MOSMO: variants seen among roughly 807,000 people sequenced by gnomAD.
MOSMO encodes the protein modulator of smoothened.
Under a neutral mutation model 18.4 loss-of-function variants are expected in MOSMO, and 5 were observed. The observed-to-expected ratio is 0.27, with a 90% CI of 0.14 to 0.57. MOSMO has a LOEUF of 0.57. MOSMO is among the 20% of genes least tolerant of loss of function. The pLI is 0.92. For missense variants in MOSMO, 138 were observed against 211.8 expected, an observed-to-expected ratio of 0.65 and a Z score of 2.16; for synonymous variants, 82 against 82.3, an observed-to-expected ratio of 1.00 and a Z score of 0.02.
intron 1 of MOSMO, among the ~76,000 whole-genome samples, chr16:22,022,655 T>C (rs561680688): frequency 6.6e-6 from 1 of 152,258 alleles, no homozygotes; most frequent in Admixed American, 6.5e-5. Context: ...TTAGTCACTA[T>C]CATGGACTGA....
At chr16:22,040,115 A>T (rs1598008426) in intron 1 of MOSMO, among the ~76,000 whole-genome samples, 1 of 152,238 alleles carries the variant, frequency 6.6e-6, no homozygotes, top group Non-Finnish European at 1.5e-5. Context: ...GGACATAAAG[A>T]TCTGGACAGG....
At chr16:22,040,011 A>G (rs1267381184) in intron 1 of MOSMO, among the ~76,000 whole-genome samples, 1 of 152,242 alleles carries the variant, frequency 6.6e-6, no homozygotes, top group African/African-American at 2.4e-5. Flanking sequence ...TAGCACATGG[A>G]AGGCATTGGA....
At chr16:22,042,509 A>G (rs999607014) in intron 1 of MOSMO, among the ~76,000 whole-genome samples, 40 of 152,148 alleles carry the variant, frequency 2.6e-4, no homozygotes, top group Admixed American at 2.6e-4. Flanking sequence ...ACTTCCTTTG[A>G]TTTGCTAGAA....
At chr16:22,030,879 T>C (rs979283111) in intron 1 of MOSMO, among the ~76,000 whole-genome samples, 1 of 152,212 alleles carries the variant, frequency 6.6e-6, no homozygotes, top group Admixed American at 6.5e-5. Flanking sequence ...CAAATGATTA[T>C]CAAAGTGATT....
chr16:22,009,587 G>GT (rs1227041613), intron 1 of MOSMO, among the ~76,000 whole-genome samples: 1 of 152,050 alleles, frequency 6.6e-6, no homozygotes. Flanking sequence ...GAATGGTCTT[G>GT]TTTTTTAACT....
At chr16:22,056,414 C>T (rs2141753714) in intron 1 of MOSMO, among the ~76,000 whole-genome samples, 1 of 129,152 alleles carries the variant, frequency 7.7e-6, no homozygotes, top group South Asian at 2.6e-4. Context: ...TCTTGTCGCC[C>T]AGGCTGGAGT....
At chr16:22,074,598 A>G (rs953475889) in intron 1 of MOSMO, among the ~76,000 whole-genome samples, 4 of 152,150 alleles carry the variant, frequency 2.6e-5, no homozygotes, top group African/African-American at 9.7e-5. Flanking sequence ...AAGATCAAAT[A>G]ATTGCTCTGT....
At chr16:22,088,970 C>G (rs1901240140), downstream of MOSMO, among the ~76,000 whole-genome samples, 1 of 151,298 alleles carries the variant, frequency 6.6e-6, no homozygotes, top group African/African-American at 2.4e-5. Context: ...AAAGGTGGTC[C>G]CTATTTAGAA....
At chr16:22,024,835 G>A (rs528697048) in intron 1 of MOSMO, among the ~76,000 whole-genome samples, 3 of 152,224 alleles carry the variant, frequency 2.0e-5, no homozygotes, top group South Asian at 2.1e-4. Flanking sequence ...AGGACAGACT[G>A]TAGAGCCTAG....
intron 1 of MOSMO, among the ~76,000 whole-genome samples, chr16:22,035,942 G>A (rs982086298): frequency 1.3e-5 from 2 of 152,056 alleles, no homozygotes; most frequent in South Asian, 2.1e-4. Context: ...CACTGCTAGT[G>A]TATAGGAATA....
chr16:22,077,370 TTTTC>T (rs1024921423), intron 2 of MOSMO, among the ~76,000 whole-genome samples: 1 of 152,138 alleles, frequency 6.6e-6, no homozygotes, highest in Non-Finnish European at 1.5e-5. Context: ...CAATGTATTT[TTTTC>T]TTTATTTTTT....
chr16:22,018,062 G>C (rs1899677231), intron 1 of MOSMO, among the ~76,000 whole-genome samples: 1 of 151,850 alleles, frequency 6.6e-6, no homozygotes, highest in African/African-American at 2.4e-5. Flanking sequence ...TTAGCAAAAG[G>C]CTGCACTTTG....
chr16:22,070,752 T>C (rs180760360), intron 1 of MOSMO, among the ~76,000 whole-genome samples: 1 of 152,292 alleles, frequency 6.6e-6, no homozygotes, highest in Admixed American at 6.5e-5. Flanking sequence ...CACCACTAGC[T>C]ATGTTTCTAG....
At chr16:22,032,500 A>T (rs1467432319) in intron 1 of MOSMO, among the ~76,000 whole-genome samples, 1 of 152,012 alleles carries the variant, frequency 6.6e-6, no homozygotes, top group Non-Finnish European at 1.5e-5. Flanking sequence ...CCCTCTACCC[A>T]TTTTTAAATT....
chr16:22,014,990 A>G (rs1298698610), intron 1 of MOSMO, among the ~76,000 whole-genome samples: 1 of 152,140 alleles, frequency 6.6e-6, no homozygotes, highest in Non-Finnish European at 1.5e-5. Context: ...TATACAAATA[A>G]AGTATTTAAA....
intron 1 of MOSMO, among the ~76,000 whole-genome samples, chr16:22,046,443 A>G (rs1410163199): frequency 6.6e-6 from 1 of 152,028 alleles, no homozygotes; most frequent in Non-Finnish European, 1.5e-5. Context: ...CTGTTTTAGG[A>G]CATATTATTT....
At chr16:22,032,700 C>T (rs1900020441) in intron 1 of MOSMO, among the ~76,000 whole-genome samples, 1 of 152,118 alleles carries the variant, frequency 6.6e-6, no homozygotes, top group African/African-American at 2.4e-5. Flanking sequence ...GTGCACATTA[C>T]TCTGCCCATC....
At chr16:22,078,508 CA>C (rs1246960261) in intron 2 of MOSMO, among the ~76,000 whole-genome samples, 2 of 152,036 alleles carry the variant, frequency 1.3e-5, no homozygotes, top group Admixed American at 1.3e-4. Context: ...TCTTTGGTTG[CA>C]GAATGATTAC....
chr16:22,080,051 T>C (rs954092026), intron 2 of MOSMO, among the ~76,000 whole-genome samples: 16 of 152,304 alleles, frequency 1.1e-4, no homozygotes, highest in African/African-American at 3.1e-4. Context: ...CCCAAAGTGC[T>C]GGGATTACAG....
Sources: allele counts gnomAD v4.1 joint callset (sites outside exome capture counted in the v4.1 genomes callset), GRCh38; gene constraint gnomAD v4.1.1; transcripts MANE v1.5; gene names NCBI Gene and HGNC (gene_info 2026-07-23, HGNC 2026-07-21).